CSMD1: variants seen among roughly 807,000 people sequenced by gnomAD.
CSMD1 encodes CUB and Sushi multiple domains 1, also known as CUB and sushi domain-containing protein 1.
CSMD1 carries 213 observed loss-of-function variants against 417.5 expected under a neutral mutation model. The observed-to-expected ratio is 0.51, with a 90% CI of 0.46 to 0.57. The LOEUF is 0.57. CSMD1 is among the 20% of genes least tolerant of loss of function. The pLI is 0.00. For missense variants in CSMD1, 6,923 were observed against 4,529.7 expected, an observed-to-expected ratio of 1.53 and a Z score of -15.17; for synonymous variants, 2,862 against 1,736.8, an observed-to-expected ratio of 1.65 and a Z score of -16.11.
intron 7 of CSMD1, among the ~76,000 whole-genome samples, chr8:3,622,289 G>A (rs1349837348): frequency 1.3e-5 from 2 of 152,158 alleles, no homozygotes; most frequent in Non-Finnish European, 2.9e-5. Context: ...TATTGCTGTG[G>A]CAAATTAAAA....
At chr8:3,392,262 A>C (rs1811396145) in intron 17 of CSMD1, among the ~76,000 whole-genome samples, 1 of 152,170 alleles carries the variant, frequency 6.6e-6, no homozygotes, top group Non-Finnish European at 1.5e-5. Context: ...TAATAAAAAA[A>C]TAAAATAAAT....
chr8:4,651,618 A>G (rs1348367682), intron 1 of CSMD1, among the ~76,000 whole-genome samples: 2 of 152,232 alleles, frequency 1.3e-5, no homozygotes, highest in Non-Finnish European at 2.9e-5. Context: ...CATGGTTAAT[A>G]TTCTCATAAG....
At chr8:3,294,850 C>T (rs1289621155) in intron 25 of CSMD1, among the ~76,000 whole-genome samples, 1 of 152,078 alleles carries the variant, frequency 6.6e-6, no homozygotes, top group African/African-American at 2.4e-5. Flanking sequence ...CTTTCCGACA[C>T]TCCCCAGTGA....
intron 50 of CSMD1, among the ~76,000 whole-genome samples, chr8:3,040,751 T>G (rs1255896213): frequency 6.6e-6 from 1 of 152,082 alleles, no homozygotes; most frequent in Non-Finnish European, 1.5e-5. Context: ...TAGAGCGAGT[T>G]GAGATCGTGC....
At chr8:3,764,735 CTTTCTTT>C (rs1307097898) in intron 5 of CSMD1, among the ~76,000 whole-genome samples, 3 of 105,406 alleles carry the variant, frequency 2.8e-5, no homozygotes, top group Admixed American at 1.3e-4. Flanking sequence ...GCCCTTTTCT[CTTTCTTT>C]TTTTTTTTTT....
chr8:4,918,492 T>C (rs1806219523), intron 1 of CSMD1, among the ~76,000 whole-genome samples: 1 of 152,222 alleles, frequency 6.6e-6, no homozygotes, highest in South Asian at 2.1e-4. Flanking sequence ...TGTGTATGTC[T>C]GCTCCAATAT....
At chr8:3,387,442 G>C (rs934108532) in intron 18 of CSMD1, 52 bp downstream of exon 18, 57 of 1,470,808 alleles carry the variant, frequency 3.9e-5, no homozygotes, top group Non-Finnish European at 5.3e-5. Flanking sequence ...TTAGACGTGT[G>C]CGCTGTCTCT....
intron 8 of CSMD1, among the ~76,000 whole-genome samples, chr8:3,601,835 C>A (rs535171299): frequency 2.6e-5 from 4 of 152,276 alleles, no homozygotes; most frequent in Admixed American, 6.5e-5. Context: ...CATTCTGTTT[C>A]CCCCTACGTC....
rs190670159 is a variant in CSMD1, at chr8:4,791,665, G to C, written c.86-154107C>G. ...AAAATGGGCCCAACACAGAAGGCTA[G>C]TTAAGACATGGAGAGAGAGGCCAGG... On this transcript the variant is annotated intron_variant, in intron 1 of 69. Coordinates refer to ENST00000635120, the MANE Select transcript of CSMD1 (RefSeq NM_033225.6). Among the ~76,000 whole-genome samples the C allele has an allele frequency of 3.3e-5, 5 of 152,298 alleles. No homozygotes were observed. The East Asian group carries it at 5.8e-4, about 18-fold the overall frequency.
intron 36 of CSMD1, among the ~76,000 whole-genome samples, chr8:3,185,513 T>G (rs1252273371): frequency 6.6e-6 from 1 of 152,202 alleles, no homozygotes; most frequent in Admixed American, 6.5e-5. Flanking sequence ...ACTGAGAACA[T>G]TAGGTTAAAA....
intron 1 of CSMD1, among the ~76,000 whole-genome samples, chr8:4,838,965 T>C (rs1800676261): frequency 6.6e-6 from 1 of 152,254 alleles, no homozygotes; most frequent in Admixed American, 6.5e-5. Context: ...ATTCATAATT[T>C]TTTTAAACAA....
At chr8:4,341,641 G>C (rs527332750) in intron 3 of CSMD1, among the ~76,000 whole-genome samples, 1 of 152,124 alleles carries the variant, frequency 6.6e-6, no homozygotes, top group Non-Finnish European at 1.5e-5. Context: ...TTTAGGATAT[G>C]CTCTTGTGTT....
chr8:3,741,983 T>TTG (rs1300892530), intron 6 of CSMD1, among the ~76,000 whole-genome samples: 2 of 151,796 alleles, frequency 1.3e-5, no homozygotes, highest in East Asian at 3.9e-4. Flanking sequence ...ATCTTGGTTT[T>TTG]TTTTTTTTTT....
chr8:3,791,281 C>G (rs1799725821), intron 5 of CSMD1, among the ~76,000 whole-genome samples: 1 of 152,068 alleles, frequency 6.6e-6, no homozygotes, highest in Non-Finnish European at 1.5e-5. Context: ...TAAACTTGCT[C>G]TAATTAATGA....
intron 62 of CSMD1, among the ~76,000 whole-genome samples, chr8:2,958,263 C>A (rs986247539): frequency 2.0e-5 from 3 of 152,178 alleles, no homozygotes; most frequent in African/African-American, 7.2e-5. Flanking sequence ...TCAAACTGTA[C>A]AAACTATTTA....
Position 4,045,589 on chromosome 8 carries a change from A to C in CSMD1, c.416-13490T>G, listed in dbSNP as rs144680786. Among the ~76,000 whole-genome samples the C allele has an allele frequency of 2.4e-4, 36 of 152,308 alleles. No individual in the cohort carries two copies. In the East Asian group the frequency reaches 6.4e-3, roughly 27 times the overall value. ...ATGTGCAATGCTTTAGAATGAAAGA[A>C]ACTCAAGAATGTTCCTGCTATTAGC... is the stretch of plus-strand genomic sequence containing the variant. On this transcript the variant is annotated intron_variant, in intron 3 of 69. Coordinates refer to ENST00000635120, the MANE Select transcript of CSMD1 (RefSeq NM_033225.6).
intron 2 of CSMD1, among the ~76,000 whole-genome samples, chr8:4,466,334 AG>A (rs1800167352): frequency 1.3e-5 from 2 of 152,264 alleles, no homozygotes; most frequent in South Asian, 4.1e-4. Flanking sequence ...AAGAAAGGGA[AG>A]AAAAGTTGAC....
At chr8:3,234,903 A>G (rs1356473044) in intron 26 of CSMD1, among the ~76,000 whole-genome samples, 4 of 152,218 alleles carry the variant, frequency 2.6e-5, no homozygotes, top group African/African-American at 4.8e-5. Flanking sequence ...TCTATGATCA[A>G]CTGTTGTTGA....
chr8:3,518,335 G>A (rs895870698), intron 10 of CSMD1, among the ~76,000 whole-genome samples: 2 of 152,114 alleles, frequency 1.3e-5, no homozygotes, highest in East Asian at 1.9e-4. Flanking sequence ...GAGCTTAAAT[G>A]CAAACCTGCG....
Sources: allele counts gnomAD v4.1 joint callset (sites outside exome capture counted in the v4.1 genomes callset), GRCh38; gene constraint gnomAD v4.1.1; transcripts MANE v1.5; gene names NCBI Gene and HGNC (gene_info 2026-07-23, HGNC 2026-07-21).